Variants in GABPB2 observed in about 807,000 individuals in gnomAD.
GABPB2 encodes the protein GA-binding protein subunit beta-2.
GABPB2 carries 23 observed loss-of-function variants against 39.1 expected under a neutral mutation model. The ratio of observed to expected loss-of-function variants is 0.59; its 90% CI spans 0.42 to 0.83. The LOEUF (loss-of-function observed/expected upper bound fraction) is 0.83, where lower values mean the gene tolerates loss of function less well. Ranked by LOEUF, GABPB2 falls within the 40% of genes least tolerant of loss-of-function variation. GABPB2 has a pLI of 0.00. For missense variants in GABPB2, 467 were observed against 541.1 expected, an observed-to-expected ratio of 0.86 and a Z score of 1.36; for synonymous variants, 184 against 199.3, an observed-to-expected ratio of 0.92 and a Z score of 0.65.
At position 151,125,283 on chromosome 1, in the gene GABPB2, G is replaced by A. The variant is rs1345163246; in HGVS notation, c.*7027G>A. The A allele has an allele frequency of 6.6e-6, 1 of 152,190 alleles. No individual in the cohort carries two copies. The highest frequency in any genetic ancestry group is 1.5e-5 in the Non-Finnish European group (1 of 68,078). 9.4% of individuals were successfully genotyped at this position (152,190 alleles called of 1,614,324 possible). A position where few individuals can be genotyped will look rare whatever the true frequency, so the allele number is the denominator to read the frequency against. On this transcript the variant is annotated 3_prime_UTR_variant, in exon 9 of 9. Coordinates refer to ENST00000368918, the MANE Select transcript of GABPB2 (RefSeq NM_144618.3). ...TTTGTGTGTGTACTGCGGCAGGTGT[G>A]TGTGTGGGGGGATGCGCCCAGACTG... is the stretch of plus-strand genomic sequence containing the variant.
At chr1:151,088,915 G>A (rs982734917) in intron 2 of GABPB2, among the ~76,000 whole-genome samples, 11 of 152,080 alleles carry the variant, frequency 7.2e-5, no homozygotes, top group African/African-American at 2.2e-4. Flanking sequence ...CAGGAGAATC[G>A]CGTGAACTCG....
chr1:151,078,915 G>T (rs587681714), intron 1 of GABPB2, among the ~76,000 whole-genome samples: 1 of 151,778 alleles, frequency 6.6e-6, no homozygotes, highest in Non-Finnish European at 1.5e-5. Flanking sequence ...CAAGTGACCC[G>T]CCTGCCTCTG....
At chr1:151,106,372 C>CT (rs1422032678) in intron 6 of GABPB2, among the ~76,000 whole-genome samples, 2 of 151,102 alleles carry the variant, frequency 1.3e-5, no homozygotes, top group Non-Finnish European at 3.0e-5. Context: ...GAGTCTCGCT[C>CT]TGTCGCTCAG....
At position 151,121,550 on chromosome 1, in the gene GABPB2, T is replaced by C. The variant is rs1455209251; in HGVS notation, c.*3294T>C. On this transcript the variant is annotated 3_prime_UTR_variant, in exon 9 of 9. Coordinates refer to ENST00000368918, the MANE Select transcript of GABPB2 (RefSeq NM_144618.3). ...ACCTCCTGGGTTCAAGTGATTCTCC[T>C]GCCTCAGCCTCCCGAGTAGCTGGGA... is the stretch of plus-strand genomic sequence containing the variant. 1 of 152,328 alleles carries C rather than the reference T, an allele frequency of 6.6e-6. No homozygotes were observed. Among genetic ancestry groups the C allele is most frequent in the African/African-American group, 2.4e-5 (1 of 41,454 alleles). The allele number at this position is 152,328 out of a possible 1,614,324, so 9.4% of individuals were successfully genotyped here.
At chr1:151,086,245 C>CA (rs796966714) in intron 1 of GABPB2, among the ~76,000 whole-genome samples, 95 of 133,510 alleles carry the variant, frequency 7.1e-4, no homozygotes, top group African/African-American at 1.2e-3. Context: ...AACCCTGTCT[C>CA]AAAAAAAAAA....
At chr1:151,112,765 G>A in intron 7 of GABPB2, 1 of 168,388 alleles carries the variant, frequency 5.9e-6, no homozygotes, top group South Asian at 1.4e-4. Context: ...AAAGGAAGGA[G>A]CTCCCGAATT....
chr1:151,079,448 A>G (rs116168920), intron 1 of GABPB2, among the ~76,000 whole-genome samples: 1,649 of 152,152 alleles, frequency 0.011, 43 homozygotes, highest in African/African-American at 0.038. Flanking sequence ...AGGCGAGGCA[A>G]GAGAATCGCT....
At chr1:151,073,664 G>A (rs587748911) in intron 1 of GABPB2, among the ~76,000 whole-genome samples, 23 of 152,208 alleles carry the variant, frequency 1.5e-4, no homozygotes, top group African/African-American at 4.6e-4. Flanking sequence ...GCTCATCCCC[G>A]TAATCCCAGC....
intron 1 of GABPB2, among the ~76,000 whole-genome samples, chr1:151,071,201 A>G (rs587712462): frequency 6.6e-6 from 1 of 152,284 alleles, no homozygotes; most frequent in Admixed American, 6.5e-5. Flanking sequence ...AGGGAAGCCC[A>G]GGCCGCGGAG....
At chr1:151,088,728 T>C (rs982681496) in intron 2 of GABPB2, among the ~76,000 whole-genome samples, 5 of 152,216 alleles carry the variant, frequency 3.3e-5, no homozygotes, top group Admixed American at 6.5e-5. Context: ...AGGCTGAGCG[T>C]GGTGGCTCAC....
chr1:151,079,857 T>C (rs1442137741), intron 1 of GABPB2, among the ~76,000 whole-genome samples: 4 of 150,930 alleles, frequency 2.7e-5, no homozygotes, highest in Non-Finnish European at 5.9e-5. Flanking sequence ...GATTGCACCA[T>C]TGCACTCTAG....
At chr1:151,105,632 G>A (rs1309450000) in intron 6 of GABPB2, among the ~76,000 whole-genome samples, 1 of 151,502 alleles carries the variant, frequency 6.6e-6, no homozygotes, top group East Asian at 2.0e-4. Context: ...TCCCACATCA[G>A]CCTCCTGAGT....
chr1:151,093,286 T>C lies in GABPB2; in HGVS notation c.371T>C (p.Ile124Thr). 2 of 1,613,404 alleles carry C rather than the reference T, an allele frequency of 1.2e-6. No homozygotes were observed. The highest frequency in any genetic ancestry group is 1.7e-6 in the Non-Finnish European group (2 of 1,179,786). ...RHHRDVVELL[I>T]KYGADVHAFS... Reference sequence around the variant, plus strand: ...CATCGAGATGTCGTAGAGTTACTTATCAAATATGGAGCTGATGTCCATGCT... The same window carrying C: ...CATCGAGATGTCGTAGAGTTACTTACCAAATATGGAGCTGATGTCCATGCT... The change falls in exon 4 of 9, where the codon ATC (isoleucine) becomes ACC (threonine). Residue 124 changes from isoleucine (I) to threonine (T), a missense_variant. Transcript: ENST00000368918.
At chr1:151,107,853 T>G (rs950330573) in intron 7 of GABPB2, among the ~76,000 whole-genome samples, 2 of 151,980 alleles carry the variant, frequency 1.3e-5, no homozygotes, top group Non-Finnish European at 2.9e-5. Flanking sequence ...GAGGATCACT[T>G]GAGCCCAGGA....
At chr1:151,107,630 G>A (rs982912148) in intron 7 of GABPB2, among the ~76,000 whole-genome samples, 1 of 151,884 alleles carries the variant, frequency 6.6e-6, no homozygotes, top group African/African-American at 2.4e-5. Context: ...GCCCGGCCCT[G>A]ATGGCTCTTA....
chr1:151,095,652 A>G lies in GABPB2; in HGVS notation c.472-2200A>G, dbSNP rs936907027. 7.2e-5 allele frequency among the ~76,000 whole-genome samples: 11 copies of G among 152,158 alleles called. No homozygotes were observed. The East Asian group carries it at 1.9e-3, about 27-fold the overall frequency. On this transcript the variant is annotated intron_variant, in intron 4 of 8. Transcript: ENST00000368918. ...ACTAGATGTCTGTTTATCATGTAAT[A>G]TTGTAATATTTTATTTCCTATCTTT...
intron 7 of GABPB2, among the ~76,000 whole-genome samples, chr1:151,111,660 C>G (rs1160678615): frequency 6.6e-6 from 1 of 151,198 alleles, no homozygotes; most frequent in East Asian, 2.0e-4. Flanking sequence ...GATCCACCCG[C>G]CTCGGCCTCC....
intron 1 of GABPB2, among the ~76,000 whole-genome samples, chr1:151,085,245 A>C (rs1326190343): frequency 1.3e-5 from 2 of 151,864 alleles, no homozygotes; most frequent in African/African-American, 4.8e-5. Context: ...AAAAATAAAA[A>C]AATTAGCTGG....
At chr1:151,098,262 C>G (rs940958383) in intron 5 of GABPB2, among the ~76,000 whole-genome samples, 22 of 152,054 alleles carry the variant, frequency 1.4e-4, no homozygotes, top group Admixed American at 1.3e-3. Context: ...ATCTGTAATC[C>G]CAATGCTTTG....
Sources: allele counts gnomAD v4.1 joint callset (sites outside exome capture counted in the v4.1 genomes callset), GRCh38; gene constraint gnomAD v4.1.1; transcripts MANE v1.5; gene names NCBI Gene and HGNC (gene_info 2026-07-23, HGNC 2026-07-21).